MTHFSD: variants seen among roughly 807,000 people sequenced by gnomAD.
MTHFSD encodes methenyltetrahydrofolate synthase domain-containing protein.
In MTHFSD, 37 loss-of-function variants were observed where a neutral mutation model predicts 31.1. That is an observed-to-expected ratio of 1.19 (90% CI 0.91 to 1.56). The LOEUF is 1.56. MTHFSD is among the 40% of genes most tolerant of loss of function. The pLI is 0.00. For missense variants in MTHFSD, 664 were observed against 510.1 expected (o/e 1.30, Z -2.91); for synonymous variants, 221 against 206.9 (o/e 1.07, Z -0.59).
intron 4 of MTHFSD, chr16:86,547,956 C>T (rs1472703486): frequency 9.5e-7 from 1 of 1,047,320 alleles, no homozygotes; most frequent in East Asian, 6.2e-5. Flanking sequence ...ACCCTAAAGT[C>T]ATATTTGTAC....
At chr16:86,550,804 G>T (rs145466270) in intron 3 of MTHFSD, among the ~76,000 whole-genome samples, 52 of 152,318 alleles carry the variant, frequency 3.4e-4, no homozygotes, top group Non-Finnish European at 6.6e-4. Context: ...AGCCTACATG[G>T]AAGTCTCTCT....
At chr16:86,537,846 C>T (rs542407529) in intron 7 of MTHFSD, among the ~76,000 whole-genome samples, 13 of 152,318 alleles carry the variant, frequency 8.5e-5, no homozygotes, top group African/African-American at 2.9e-4. Flanking sequence ...TAAGCACGAG[C>T]GTGGCTCTGG....
At chr16:86,547,632 TTCTA>T in intron 4 of MTHFSD, 1 of 853,574 alleles carries the variant, frequency 1.2e-6, no homozygotes, top group South Asian at 5.3e-5. Flanking sequence ...CGTCTCAGTT[TTCTA>T]TCTTTCTTTT....
chr16:86,541,648 G>A, intron 7 of MTHFSD, 49 bp downstream of exon 7: 1 of 1,587,530 alleles, frequency 6.3e-7, no homozygotes. Flanking sequence ...ACTTAAAAGA[G>A]GAGGAGCCGC....
Position 86,555,149 on chromosome 16 carries a change from A to G in MTHFSD, c.16+20T>C. On this transcript the variant is annotated intron_variant, in intron 1 of 7. Coordinates refer to ENST00000360900, the MANE Select transcript of MTHFSD (RefSeq NM_001159377.2). ...CCCTCCCCATTCCCAGCCGCCCCGG[A>G]GCCCCGCCAGGCCCCCCACCTGCCC... is the stretch of plus-strand genomic sequence containing the variant. 2.0e-6 allele frequency: 3 copies of G among 1,533,888 alleles called. No homozygotes were observed. The highest frequency in any genetic ancestry group is 2.6e-6 in the Non-Finnish European group (3 of 1,144,848).
chr16:86,546,473 G>C, intron 5 of MTHFSD, 86 bp downstream of exon 5: 1 of 1,195,466 alleles, frequency 8.4e-7, no homozygotes, highest in Non-Finnish European at 1.2e-6. Context: ...GACACCACTG[G>C]CGACTTTTGA....
At chr16:86,551,768 C>G (rs1210824168) in intron 3 of MTHFSD, among the ~76,000 whole-genome samples, 1 of 152,200 alleles carries the variant, frequency 6.6e-6, no homozygotes, top group Non-Finnish European at 1.5e-5. Flanking sequence ...CCTGTGCCAA[C>G]TGGGCCTGGA....
At chr16:86,551,162 A>T (rs1309000820) in intron 3 of MTHFSD, among the ~76,000 whole-genome samples, 1 of 152,248 alleles carries the variant, frequency 6.6e-6, no homozygotes, top group Non-Finnish European at 1.5e-5. Context: ...TTGGTTTTAT[A>T]GTTACATAAA....
chr16:86,533,634 G>A (rs1006749928), intron 7 of MTHFSD: 10 of 152,168 alleles, frequency 6.6e-5, no homozygotes, highest in African/African-American at 9.7e-5. Context: ...TTAGAGCAAT[G>A]GTCCTTATCC....
chr16:86,547,705 G>T (rs2143770575), intron 4 of MTHFSD: 1 of 345,256 alleles, frequency 2.9e-6, no homozygotes, highest in Non-Finnish European at 4.1e-6. Flanking sequence ...TGTATTTTTA[G>T]AAACCATATC....
intron 2 of MTHFSD, among the ~76,000 whole-genome samples, chr16:86,553,963 T>G (rs967156047): frequency 6.6e-6 from 1 of 152,254 alleles, no homozygotes; most frequent in African/African-American, 2.4e-5. Context: ...GTGGAGAACT[T>G]TTGTGTCTAG....
chr16:86,541,313 ATT>A, intron 7 of MTHFSD: 8 of 964,014 alleles, frequency 8.3e-6, no homozygotes, highest in Non-Finnish European at 1.1e-5. Flanking sequence ...AAAAATCTGG[ATT>A]TAAAAAGGGA....
rs1465440516 is a variant in MTHFSD at position 86,531,333 on chromosome 16, A to ACAG, written c.*675_*677dup. On this transcript the variant is annotated 3_prime_UTR_variant, in exon 8 of 8. Coordinates refer to ENST00000360900, the MANE Select transcript of MTHFSD (RefSeq NM_001159377.2). The surrounding 1 kb of genome is among the most constrained non-coding windows in gnomAD (Gnocchi z 5.5). The stretch of plus-strand genomic sequence containing the variant: ...CATTCTCCCAGAGCCGGTCTCTCCC[A>ACAG]CAGCACAAAGCTGCTCCTCATGCAG... 1 of 152,206 alleles carries ACAG rather than the reference A, an allele frequency of 6.6e-6. No individual in the cohort carries two copies. Among genetic ancestry groups the ACAG allele is most frequent in the Non-Finnish European group, 1.5e-5 (1 of 68,038 alleles). The allele number at this position is 152,206 out of a possible 1,614,324, so 9.4% of individuals were successfully genotyped here.
In MTHFSD at chr16:86,531,163, T is replaced by C. The variant is rs1969958793; in HGVS notation, c.*848A>G. ...CCACTTAAAAGCTTATTTTGACTTGTTGCCCGGGATCAATTGCAAAAGCGC... is the reference window on the plus strand; with the variant it reads ...CCACTTAAAAGCTTATTTTGACTTGCTGCCCGGGATCAATTGCAAAAGCGC... On this transcript the variant is annotated 3_prime_UTR_variant, in exon 8 of 8. Coordinates refer to ENST00000360900, the MANE Select transcript of MTHFSD (RefSeq NM_001159377.2). The surrounding 1 kb of genome is among the most constrained non-coding windows in gnomAD (Gnocchi z 5.5). 1 of 152,266 alleles carries C rather than the reference T, an allele frequency of 6.6e-6. No individual in the cohort carries two copies. The highest frequency in any genetic ancestry group is 1.5e-5 in the Non-Finnish European group (1 of 68,054). The allele number at this position is 152,266 out of a possible 1,614,324, so 9.4% of individuals were successfully genotyped here.
chr16:86,541,998 C>T (rs1439643446), intron 6 of MTHFSD, 103 bp downstream of exon 6: 10 of 1,338,154 alleles, frequency 7.5e-6, no homozygotes, highest in East Asian at 4.7e-5. Context: ...CCACACCACT[C>T]GCCACACAGC....
chr16:86,536,335 G>T (rs552759594), intron 7 of MTHFSD, among the ~76,000 whole-genome samples: 1 of 152,318 alleles, frequency 6.6e-6, no homozygotes, highest in Admixed American at 6.5e-5. Flanking sequence ...GAAGGCCAAG[G>T]GACCGTGCTG....
chr16:86,546,558 C>A lies in MTHFSD; in HGVS notation c.442+1G>T, dbSNP rs1359690916. 2 of 1,613,766 alleles carry A rather than the reference C, an allele frequency of 1.2e-6. No homozygotes were observed. The highest frequency in any genetic ancestry group is 1.3e-5 in the African/African-American group (1 of 74,932). ...CAAGGGTTCCCATCTGCTAGTCTTA[C>A]CTTTTTCAGAAACGGCGACGGATCC... On this transcript the variant is annotated splice_donor_variant, in intron 5 of 7. Coordinates refer to ENST00000360900, the MANE Select transcript of MTHFSD (RefSeq NM_001159377.2). LOFTEE classifies it high-confidence loss of function.
intron 2 of MTHFSD, chr16:86,553,445 G>C (rs1383815847): frequency 6.5e-6 from 1 of 152,810 alleles, no homozygotes; most frequent in African/African-American, 2.4e-5. Context: ...GCGCGGGCGG[G>C]AACTGCTGCT....
At position 86,531,829 on chromosome 16, in the gene MTHFSD, C is replaced by G. The variant is rs1597304980; in HGVS notation, c.*182G>C. 2.3e-6 allele frequency: 1 copy of G among 434,008 alleles called. No homozygotes were observed. The highest frequency in any genetic ancestry group is 3.5e-5 in the East Asian group (1 of 28,268). 26.9% of individuals were successfully genotyped at this position (434,008 alleles called of 1,614,324 possible). ...TGAGATGAACCGCAGGGCGGCTTCC[C>G]CACTCACAGGAGGGCCTGGGCGTTC... On this transcript the variant is annotated 3_prime_UTR_variant, in exon 8 of 8. Transcript: ENST00000360900. The surrounding 1 kb of genome is among the most constrained non-coding windows in gnomAD (Gnocchi z 5.5).
Sources: allele counts gnomAD v4.1 joint callset (sites outside exome capture counted in the v4.1 genomes callset), GRCh38; gene constraint gnomAD v4.1.1; non-coding constraint Gnocchi (gnomAD v3.1); transcripts MANE v1.5; gene names NCBI Gene and HGNC (gene_info 2026-07-23, HGNC 2026-07-21).